The following SLC44A2 variants were observed in gnomAD, a reference collection of about 807,000 sequenced individuals.
The protein encoded by SLC44A2 is choline transporter-like protein 2.
A neutral mutation model predicts 90.8 loss-of-function variants in SLC44A2; 57 were observed. The ratio of observed to expected loss-of-function variants is 0.63; its 90% confidence interval spans 0.51 to 0.78. SLC44A2 has a LOEUF of 0.78. SLC44A2 is among the 30% of genes least tolerant of loss of function. The pLI is 0.00. For synonymous variants in SLC44A2, 355 were observed against 360.7 expected (o/e 0.98, Z 0.18); for missense variants, 794 against 919.7 (o/e 0.86, Z 1.77).
chr19:10,638,101 C>T lies in SLC44A2; in HGVS notation c.1840+8C>T, dbSNP rs947357793. 12 of 1,613,554 alleles carry T rather than the reference C, an allele frequency of 7.4e-6. No individual in the cohort carries two copies. The highest frequency in any genetic ancestry group is 5.9e-6 in the Non-Finnish European group (7 of 1,179,792). On this transcript the variant is annotated splice_region_variant and intron_variant, in intron 19 of 21. Coordinates refer to ENST00000335757, the MANE Select transcript of SLC44A2 (RefSeq NM_020428.4). Reference sequence around the variant, plus strand: ...TGATCGTTGGTAGTGTGGGTGAGTGCCGCCCACCTAGCCTCTCGGGGTGTG... The same window carrying T: ...TGATCGTTGGTAGTGTGGGTGAGTGTCGCCCACCTAGCCTCTCGGGGTGTG...
chr19:10,618,437 A>T (rs1458613211), intron 1 of SLC44A2, among the ~76,000 whole-genome samples: 2 of 140,652 alleles, frequency 1.4e-5, no homozygotes, highest in African/African-American at 5.4e-5. Context: ...GCCTCCCAAA[A>T]GTGCTGGGTT....
chr19:10,625,794 G>A (rs2066927014), intron 1 of SLC44A2, 124 bp downstream of exon 1: 3 of 855,622 alleles, frequency 3.5e-6, no homozygotes, highest in Non-Finnish European at 3.1e-6. Context: ...TCTGCGCCTG[G>A]AGCCTCCCCA....
At position 10,637,694 on chromosome 19, in the gene SLC44A2, T is replaced by G. The variant is rs560744975; in HGVS notation, c.1642T>G (p.Phe548Val). The G allele has an allele frequency of 2.4e-4, 383 of 1,614,158 alleles. 7 individuals carry two copies. The South Asian group carries it at 4.1e-3, about 17-fold the overall frequency. Residue 548 changes from phenylalanine (F) to valine (V), a missense_variant, in exon 17 of 22, where the codon TTC (phenylalanine) becomes GTC (valine). Coordinates refer to ENST00000335757, the MANE Select transcript of SLC44A2 (RefSeq NM_020428.4). ...KCLMTCLKCCFWCLEKFIKFL... is the reference protein window; with the variant it reads ...KCLMTCLKCCVWCLEKFIKFL... ...CCTCATGACCTGTCTCAAATGCTGC[T>G]TCTGGTGCCTGGAGAAGTTCATCAA...
intron 10 of SLC44A2, among the ~76,000 whole-genome samples, chr19:10,632,968 G>A (rs114511577): frequency 5.8e-4 from 87 of 151,040 alleles, no homozygotes; most frequent in African/African-American, 2.0e-3. Flanking sequence ...CACCGCGCCC[G>A]GACTGCTTCA....
intron 20 of SLC44A2, chr19:10,641,152 G>C: frequency 1.1e-5 from 4 of 373,282 alleles, no homozygotes; most frequent in South Asian, 8.1e-5. Context: ...CAGCACTTTG[G>C]GAGGCCGAGG....
At chr19:10,617,607 G>C (rs1410785836) in intron 1 of SLC44A2, among the ~76,000 whole-genome samples, 1 of 152,076 alleles carries the variant, frequency 6.6e-6, no homozygotes, top group African/African-American at 2.4e-5. Flanking sequence ...TTCCCTCCCC[G>C]GTGCGGCCCT....
chr19:10,638,159 C>T, intron 19 of SLC44A2, 66 bp downstream of exon 19: 1 of 1,612,162 alleles, frequency 6.2e-7, no homozygotes, highest in Non-Finnish European at 8.5e-7. Context: ...TGATGAGTGT[C>T]ATCTTCTTAG....
At chr19:10,613,312 C>T (rs1599230158) in intron 1 of SLC44A2, among the ~76,000 whole-genome samples, 1 of 151,324 alleles carries the variant, frequency 6.6e-6, no homozygotes, top group African/African-American at 2.4e-5. Context: ...TGCAGTGGCG[C>T]AATCTTGGCT....
intron 1 of SLC44A2, among the ~76,000 whole-genome samples, chr19:10,616,055 A>G (rs1339411883): frequency 6.6e-6 from 1 of 151,542 alleles, no homozygotes; most frequent in African/African-American, 2.4e-5. Flanking sequence ...GTGGAAGATC[A>G]CTTGAGCCCT....
intron 4 of SLC44A2, among the ~76,000 whole-genome samples, chr19:10,629,695 G>T (rs1189414587): frequency 6.6e-6 from 1 of 151,934 alleles, no homozygotes. Context: ...TTCCCACCTG[G>T]GCCTTCCAAA....
rs1396165506 is a variant in SLC44A2 at position 10,631,356 on chromosome 19, T to C, written c.412T>C (p.Phe138Leu). The C allele has an allele frequency of 6.2e-7, 1 of 1,614,110 alleles. No homozygotes were observed. Among genetic ancestry groups the C allele is most frequent in the Non-Finnish European group, 8.5e-7 (1 of 1,180,018 alleles). Residue 138 changes from phenylalanine to leucine, a missense_variant, in exon 6 of 22, where the codon TTC becomes CTC. Physicochemically the swap from Phe to Leu is conservative, Grantham distance 22. This residue lies in a region of SLC44A2 where 738 missense variants were observed against 841.1 expected (regional missense o/e 0.88). Coordinates refer to ENST00000335757, the MANE Select transcript of SLC44A2 (RefSeq NM_020428.4). ...CCGGGACTTTGAGTACTATAAGCAG[T>C]TCTGTGTTCCTGGCTTCAAGAACAA... is the stretch of plus-strand genomic sequence containing the variant. ...SSRDFEYYKQFCVPGFKNNKG... is the reference protein window; with the variant it reads ...SSRDFEYYKQLCVPGFKNNKG...
At chr19:10,611,570 G>A (rs1918305727) in intron 1 of SLC44A2, among the ~76,000 whole-genome samples, 1 of 147,440 alleles carries the variant, frequency 6.8e-6, no homozygotes, top group Non-Finnish European at 1.5e-5. Flanking sequence ...TATAATCCCA[G>A]CTGTTTGTGA....
chr19:10,605,729 C>A (rs1303440465), intron 1 of SLC44A2, among the ~76,000 whole-genome samples: 1 of 151,152 alleles, frequency 6.6e-6, no homozygotes, highest in African/African-American at 2.4e-5. Flanking sequence ...ATTACAGGTT[C>A]ACACCTGTAA....
chr19:10,613,171 C>G (rs753132207), intron 1 of SLC44A2, among the ~76,000 whole-genome samples: 1 of 152,112 alleles, frequency 6.6e-6, no homozygotes, highest in Non-Finnish European at 1.5e-5. Flanking sequence ...GATTCTCCCA[C>G]CTCAGCCTCC....
chr19:10,626,325 GT>G, intron 2 of SLC44A2, 24 bp downstream of exon 2: 1 of 1,576,296 alleles, frequency 6.3e-7, no homozygotes. Flanking sequence ...GTTTTGGGGG[GT>G]TCTCCCCGCT....
chr19:10,618,116 T>A (rs1474074136), intron 1 of SLC44A2, among the ~76,000 whole-genome samples: 1 of 151,868 alleles, frequency 6.6e-6, no homozygotes, highest in Non-Finnish European at 1.5e-5. Flanking sequence ...GCCATTCTCC[T>A]GCCTCAAACT....
chr19:10,604,459 G>A (rs1040763434), intron 1 of SLC44A2, among the ~76,000 whole-genome samples: 2 of 152,182 alleles, frequency 1.3e-5, no homozygotes, highest in Admixed American at 1.3e-4. Flanking sequence ...AAACCTGGGG[G>A]CCTTGGACTG....
chr19:10,617,067 T>A (rs2066861120), intron 1 of SLC44A2, among the ~76,000 whole-genome samples: 1 of 151,918 alleles, frequency 6.6e-6, no homozygotes, highest in South Asian at 2.1e-4. Flanking sequence ...GACTACAGGC[T>A]CTCGCCACCA....
intron 5 of SLC44A2, 53 bp downstream of exon 5, chr19:10,631,194 C>G: frequency 6.2e-7 from 1 of 1,604,598 alleles, no homozygotes; most frequent in Non-Finnish European, 8.5e-7. Flanking sequence ...CCATCCTTTT[C>G]CCCCTGTGAA....
Sources: allele counts gnomAD v4.1 joint callset (sites outside exome capture counted in the v4.1 genomes callset), GRCh38; gene constraint gnomAD v4.1.1; regional missense constraint gnomAD v4.1.1; transcripts MANE v1.5; gene names NCBI Gene and HGNC (gene_info 2026-07-23, HGNC 2026-07-21).